SNCAIP: variants seen among roughly 807,000 people sequenced by gnomAD.
SNCAIP encodes synphilin-1.
In SNCAIP, 43 loss-of-function variants were observed where a neutral mutation model predicts 86.7. The observed-to-expected ratio is 0.50, with a 90% CI of 0.39 to 0.64. The LOEUF is 0.64. Among genes scored for constraint, SNCAIP ranks in the 30% least tolerant of loss-of-function variants. The pLI is 0.00. For synonymous variants in SNCAIP, 417 were observed against 427.2 expected, an observed-to-expected ratio of 0.98 and a Z score of 0.29; for missense variants, 981 against 1,103.1, an observed-to-expected ratio of 0.89 and a Z score of 1.57.
chr5:122,423,759 G>A lies in SNCAIP; in HGVS notation c.1002+20G>A. 1.3e-6 allele frequency: 2 copies of A among 1,591,124 alleles called. No homozygotes were observed. Among genetic ancestry groups the A allele is most frequent in the Non-Finnish European group, 1.7e-6 (2 of 1,172,816 alleles). Reference sequence around the variant, plus strand: ...CTCCTGGTAAGTATAATCTAGTTCAGTATACATGTCAATAGACTGGAGACT... The same window carrying A: ...CTCCTGGTAAGTATAATCTAGTTCAATATACATGTCAATAGACTGGAGACT... On this transcript the variant is annotated intron_variant, in intron 4 of 10. Coordinates refer to ENST00000261368, the MANE Select transcript of SNCAIP (RefSeq NM_005460.4).
chr5:122,395,825 G>T (rs1195047256), intron 2 of SNCAIP, among the ~76,000 whole-genome samples: 1 of 152,074 alleles, frequency 6.6e-6, no homozygotes, highest in Non-Finnish European at 1.5e-5. Flanking sequence ...GAGTATAAAG[G>T]TATTCAAGGT....
chr5:122,437,441 A>G (rs1420352248), intron 6 of SNCAIP: 1 of 152,190 alleles, frequency 6.6e-6, no homozygotes, highest in Non-Finnish European at 1.5e-5. Context: ...GACAAGGTAT[A>G]TAGTCAATCC....
intron 3 of SNCAIP, 49 bp from the exon 4 acceptor site, chr5:122,422,819 G>A (rs1219298649): frequency 6.6e-7 from 1 of 1,509,456 alleles, no homozygotes; most frequent in Admixed American, 1.7e-5. Context: ...GCCAAGATGT[G>A]TTCAGCATTC....
At chr5:122,392,686 C>G (rs1302303362) in intron 2 of SNCAIP, among the ~76,000 whole-genome samples, 1 of 152,162 alleles carries the variant, frequency 6.6e-6, no homozygotes. Context: ...TGGGTTCCTA[C>G]CTTGTTCTGA....
chr5:122,445,249 C>G (rs1782017851), intron 8 of SNCAIP, among the ~76,000 whole-genome samples: 1 of 152,134 alleles, frequency 6.6e-6, no homozygotes, highest in African/African-American at 2.4e-5. Flanking sequence ...ATTCATGAAT[C>G]TTCATAATAA....
chr5:122,457,236 C>G (rs965181039), intron 10 of SNCAIP, among the ~76,000 whole-genome samples: 4 of 152,122 alleles, frequency 2.6e-5, no homozygotes, highest in African/African-American at 9.7e-5. Context: ...CTCCTGACCT[C>G]AGATGATCCA....
intron 1 of SNCAIP, among the ~76,000 whole-genome samples, chr5:122,380,702 A>C (rs1766551164): frequency 1.3e-5 from 2 of 148,264 alleles, no homozygotes; most frequent in Admixed American, 1.3e-4. Context: ...CCCTCTACAC[A>C]CTGCTTTGAA....
chr5:122,358,218 T>A (rs896027664), intron 1 of SNCAIP, among the ~76,000 whole-genome samples: 12 of 148,162 alleles, frequency 8.1e-5, no homozygotes, highest in South Asian at 2.1e-4. Context: ...TATATATATA[T>A]AAAATACTTT....
chr5:122,390,814 C>T lies in SNCAIP; in HGVS notation c.-46-275C>T, dbSNP rs1317404328. On this transcript the variant is annotated intron_variant, in intron 1 of 10. Transcript: ENST00000261368. ...TTGATTCTAGGGGGAGATTCTGACC[C>T]AAGTTACTGCTCTGGCAAAGACAAA... Among the ~76,000 whole-genome samples the T allele has an allele frequency of 2.0e-5, 3 of 152,064 alleles. No homozygotes were observed. The East Asian group carries it at 5.8e-4, about 29-fold the overall frequency.
At chr5:122,434,372 T>C (rs1227278469) in intron 6 of SNCAIP, among the ~76,000 whole-genome samples, 1 of 152,190 alleles carries the variant, frequency 6.6e-6, no homozygotes, top group African/African-American at 2.4e-5. Context: ...GTTGATTATA[T>C]GTGCCAGTTT....
chr5:122,330,654 A>G (rs1755124413), intron 1 of SNCAIP, among the ~76,000 whole-genome samples: 1 of 152,084 alleles, frequency 6.6e-6, no homozygotes, highest in African/African-American at 2.4e-5. Flanking sequence ...ACTGAGATGA[A>G]CAAATGTTAG....
chr5:122,398,752 T>C (rs1771156078), intron 2 of SNCAIP, among the ~76,000 whole-genome samples: 1 of 152,154 alleles, frequency 6.6e-6, no homozygotes, highest in Admixed American at 6.6e-5. Context: ...ATTTGAGTAA[T>C]GTCTGCTCAT....
intron 3 of SNCAIP, among the ~76,000 whole-genome samples, chr5:122,408,735 T>G (rs1357719678): frequency 6.6e-6 from 1 of 152,194 alleles, no homozygotes; most frequent in African/African-American, 2.4e-5. Context: ...AGCCTGAGAA[T>G]GAACTGCCTG....
chr5:122,421,435 C>T (rs761115662), intron 3 of SNCAIP, among the ~76,000 whole-genome samples: 1 of 152,190 alleles, frequency 6.6e-6, no homozygotes, highest in African/African-American at 2.4e-5. Flanking sequence ...AGAAGAATGA[C>T]CAGTAGCTTA....
chr5:122,385,279 A>T (rs1458495846), intron 1 of SNCAIP, among the ~76,000 whole-genome samples: 1 of 152,236 alleles, frequency 6.6e-6, no homozygotes, highest in East Asian at 1.9e-4. Flanking sequence ...AATATTCCAT[A>T]AATGAAGAAG....
At chr5:122,338,321 A>G (rs1048487901) in intron 1 of SNCAIP, among the ~76,000 whole-genome samples, 2 of 152,202 alleles carry the variant, frequency 1.3e-5, no homozygotes, top group African/African-American at 4.8e-5. Context: ...TATGTAGATA[A>G]AGGATTTTAA....
intron 1 of SNCAIP, among the ~76,000 whole-genome samples, chr5:122,319,655 T>G (rs574402461): frequency 3.9e-5 from 6 of 152,242 alleles, no homozygotes; most frequent in Non-Finnish European, 8.8e-5. Context: ...GAATCTCGTC[T>G]GTGGATTTCC....
intron 1 of SNCAIP, among the ~76,000 whole-genome samples, chr5:122,357,965 G>A (rs1224287035): frequency 1.3e-5 from 2 of 152,204 alleles, no homozygotes; most frequent in South Asian, 4.1e-4. Flanking sequence ...ATTCACTGCT[G>A]AATGTCCAGA....
intron 8 of SNCAIP, among the ~76,000 whole-genome samples, chr5:122,445,929 C>G (rs1782206692): frequency 6.6e-6 from 1 of 151,992 alleles, no homozygotes; most frequent in South Asian, 2.1e-4. Context: ...ACCCCTCCCC[C>G]TGTCAATACT....
Sources: allele counts gnomAD v4.1 joint callset (sites outside exome capture counted in the v4.1 genomes callset), GRCh38; gene constraint gnomAD v4.1.1; transcripts MANE v1.5; gene names NCBI Gene and HGNC (gene_info 2026-07-23, HGNC 2026-07-21).